EPB41L3: variants seen among roughly 807,000 people sequenced by gnomAD.
EPB41L3 encodes erythrocyte membrane protein band 4.1 like 3.
In EPB41L3, 57 loss-of-function variants were observed where a neutral mutation model predicts 127.1. The ratio of observed to expected loss-of-function variants is 0.45; its 90% CI spans 0.36 to 0.56. EPB41L3 has a LOEUF of 0.56. Ranked by LOEUF, EPB41L3 falls within the 20% of genes least tolerant of loss-of-function variation. The pLI is 0.00. For missense variants in EPB41L3, 1,273 were observed against 1,372.2 expected (o/e 0.93, Z 1.14); for synonymous variants, 572 against 549.5 (o/e 1.04, Z -0.57).
At chr18:5,466,959 A>C (rs922235080) in intron 3 of EPB41L3, among the ~76,000 whole-genome samples, 1 of 152,196 alleles carries the variant, frequency 6.6e-6, no homozygotes, top group Non-Finnish European at 1.5e-5. Flanking sequence ...CCTGCCTTTC[A>C]CGGGGGAAAT....
At chr18:5,511,361 CCTTT>C (rs1399317078) in intron 1 of EPB41L3, among the ~76,000 whole-genome samples, 1 of 147,524 alleles carries the variant, frequency 6.8e-6, no homozygotes, top group Admixed American at 6.8e-5. Context: ...CAAGTCTCAC[CCTTT>C]CTTTAATAGC....
chr18:5,475,527 A>C (rs2087000226), intron 3 of EPB41L3, among the ~76,000 whole-genome samples: 1 of 152,230 alleles, frequency 6.6e-6, no homozygotes, highest in South Asian at 2.1e-4. Flanking sequence ...GCTTCCACGG[A>C]AACAGCCTGT....
intron 3 of EPB41L3, among the ~76,000 whole-genome samples, chr18:5,572,770 T>C (rs1411485129): frequency 2.0e-5 from 3 of 152,030 alleles, no homozygotes; most frequent in Non-Finnish European, 4.4e-5. Context: ...GACCGGGTCT[T>C]GCTATGTTGC....
chr18:5,532,568 C>A (rs1941005), intron 1 of EPB41L3, among the ~76,000 whole-genome samples: 2 of 152,116 alleles, frequency 1.3e-5, no homozygotes, highest in Non-Finnish European at 2.9e-5. Flanking sequence ...CAAAGACATG[C>A]GTTTGACAAC....
chr18:5,588,528 A>C (rs1228325796), intron 3 of EPB41L3, among the ~76,000 whole-genome samples: 1 of 128,738 alleles, frequency 7.8e-6, no homozygotes, highest in Non-Finnish European at 1.8e-5. Flanking sequence ...TGTGTATGTA[A>C]ATATGTGTAT....
intron 14 of EPB41L3, among the ~76,000 whole-genome samples, chr18:5,408,277 T>TC (rs147404646): frequency 8.4e-5 from 2 of 23,764 alleles, no homozygotes; most frequent in African/African-American, 9.6e-5. Flanking sequence ...TTTTTTCTTT[T>TC]TTTTTTTTTT....
chr18:5,535,807 G>C (rs2093555275), intron 1 of EPB41L3, among the ~76,000 whole-genome samples: 1 of 152,184 alleles, frequency 6.6e-6, no homozygotes, highest in African/African-American at 2.4e-5. Flanking sequence ...CCACATCCCT[G>C]ACGAGGTGGC....
intron 8 of EPB41L3, 61 bp downstream of exon 8, chr18:5,433,408 A>G (rs2079269821): frequency 8.4e-7 from 1 of 1,195,468 alleles, no homozygotes; most frequent in Non-Finnish European, 1.2e-6. Flanking sequence ...AGCTTACAGT[A>G]ATAACAACAT....
chr18:5,421,429 G>A (rs2077461604), intron 11 of EPB41L3, among the ~76,000 whole-genome samples: 1 of 152,078 alleles, frequency 6.6e-6, no homozygotes, highest in Non-Finnish European at 1.5e-5. Context: ...AAGCTTCAAT[G>A]TTAACATCGA....
chr18:5,572,820 C>T (rs2094297413), intron 3 of EPB41L3, among the ~76,000 whole-genome samples: 1 of 152,142 alleles, frequency 6.6e-6, no homozygotes, highest in Non-Finnish European at 1.5e-5. Context: ...GCAATCCTCC[C>T]ACCTTGGCCT....
At chr18:5,497,537 G>C (rs1236094225) in intron 1 of EPB41L3, among the ~76,000 whole-genome samples, 1 of 152,154 alleles carries the variant, frequency 6.6e-6, no homozygotes, top group Non-Finnish European at 1.5e-5. Context: ...TAAAACACAG[G>C]GATCCCTAGT....
chr18:5,593,478 G>C (rs12185436), intron 3 of EPB41L3, among the ~76,000 whole-genome samples: 1 of 151,916 alleles, frequency 6.6e-6, no homozygotes, highest in African/African-American at 2.4e-5. Flanking sequence ...CAGAGATCAC[G>C]TGCTTCACAA....
chr18:5,506,050 C>T (rs924462943), intron 1 of EPB41L3, among the ~76,000 whole-genome samples: 8 of 151,814 alleles, frequency 5.3e-5, no homozygotes, highest in African/African-American at 1.9e-4. Context: ...CACCTCTGCC[C>T]CAGCCTACCC....
chr18:5,457,395 T>TG (rs371755967), intron 3 of EPB41L3, among the ~76,000 whole-genome samples: 1 of 151,786 alleles, frequency 6.6e-6, no homozygotes, highest in African/African-American at 2.4e-5. Context: ...TTGGAAGTCT[T>TG]GCTGATCCTA....
At chr18:5,399,675 T>C (rs2074170950) in intron 16 of EPB41L3, 1 of 255,206 alleles carries the variant, frequency 3.9e-6, no homozygotes, top group Admixed American at 5.4e-5. Context: ...TGATAAATTT[T>C]GGATCATTTT....
intron 2 of EPB41L3, among the ~76,000 whole-genome samples, chr18:5,482,887 A>G (rs964000746): frequency 3.9e-5 from 6 of 152,164 alleles, no homozygotes; most frequent in African/African-American, 1.4e-4. Flanking sequence ...ATAAAAAACC[A>G]CTAATGTGCA....
At chr18:5,630,546 G>T, upstream of EPB41L3, 1 of 516,478 alleles carries the variant, frequency 1.9e-6, no homozygotes, top group Non-Finnish European at 3.9e-6. Flanking sequence ...CCAGTCTCGG[G>T]CTCGGCGGCG....
At chr18:5,564,324 T>A (rs2094171205) in intron 3 of EPB41L3, among the ~76,000 whole-genome samples, 1 of 152,192 alleles carries the variant, frequency 6.6e-6, no homozygotes, top group African/African-American at 2.4e-5. Flanking sequence ...TTTCATTTAA[T>A]TCCCTCAATA....
At chr18:5,561,037 G>A (rs2094122896) in intron 3 of EPB41L3, among the ~76,000 whole-genome samples, 1 of 139,288 alleles carries the variant, frequency 7.2e-6, no homozygotes, top group Admixed American at 7.1e-5. Flanking sequence ...GAGTGCAGTG[G>A]CGCGATCGCG....
Sources: gnomAD v4.1 joint callset for allele counts (sites outside exome capture counted in the v4.1 genomes callset) on GRCh38, gnomAD v4.1.1 for gene constraint, MANE v1.5 for transcripts, NCBI Gene and HGNC (gene_info 2026-07-23, HGNC 2026-07-21) for gene names.